ZNF143: variants seen among roughly 807,000 people sequenced by gnomAD.
The protein encoded by ZNF143 is SPH-binding factor.
A neutral mutation model predicts 74.1 loss-of-function variants in ZNF143; 49 were observed. That is an observed-to-expected ratio of 0.66 (90% CI 0.53 to 0.84). The LOEUF is 0.84. Ranked by LOEUF, ZNF143 falls within the 40% of genes least tolerant of loss-of-function variation. The probability of loss-of-function intolerance (pLI) is 0.00; values close to 1 mark genes in which losing one functional copy is unlikely to be tolerated. For synonymous variants in ZNF143, 304 were observed against 282.8 expected, an observed-to-expected ratio of 1.07 and a Z score of -0.75; for missense variants, 637 against 793.4, an observed-to-expected ratio of 0.80 and a Z score of 2.37.
chr11:9,491,343 A>G (rs543928610), intron 7 of ZNF143, among the ~76,000 whole-genome samples: 4 of 151,826 alleles, frequency 2.6e-5, no homozygotes, highest in African/African-American at 9.7e-5. Context: ...TTTGTTTATT[A>G]AGACAGGTGT....
In ZNF143 at chr11:9,527,666, C is replaced by G; in HGVS notation, c.*53C>G. The G allele has an allele frequency of 6.4e-7, 1 of 1,553,914 alleles. No homozygotes were observed. The highest frequency in any genetic ancestry group is 8.9e-7 in the Non-Finnish European group (1 of 1,127,394). ...GAAGGAGTCTTTCATCTTCTGGCAG[C>G]AGAAATCCATGAAGCCCGGGCCCAG... On this transcript the variant is annotated 3_prime_UTR_variant, in exon 16 of 16. Transcript: ENST00000396602.
intron 5 of ZNF143, among the ~76,000 whole-genome samples, chr11:9,476,984 G>T (rs1378080208): frequency 6.7e-6 from 1 of 149,308 alleles, no homozygotes; most frequent in Non-Finnish European, 1.5e-5. Flanking sequence ...GGATGGTCTC[G>T]GTCTCCTGAC....
rs1565039273 is a variant in ZNF143 at position 9,486,422 on chromosome 11, AT to A, written c.645+6877del. Among the ~76,000 whole-genome samples the A allele has an allele frequency of 5.4e-3, 197 of 36,382 alleles. 8 individuals carry two copies. The highest frequency in any genetic ancestry group is 0.047 in the East Asian group (82 of 1,732). The allele number at this position is 36,382 out of a possible 152,430, so 23.9% of individuals were successfully genotyped here. On this transcript the variant is annotated intron_variant, in intron 7 of 15. Transcript: ENST00000396602. ...ATATATTATATATATAATATATATT[AT>A]ATATATTATATATATAATATATTAT...
chr11:9,498,679 AAG>A (rs1272454647), intron 10 of ZNF143, among the ~76,000 whole-genome samples: 7 of 152,238 alleles, frequency 4.6e-5, no homozygotes. Flanking sequence ...AGCTAAAAAA[AAG>A]TTCAGCAGCT....
intron 3 of ZNF143, chr11:9,473,699 C>G (rs1348931276): frequency 1.6e-6 from 2 of 1,276,482 alleles, no homozygotes; most frequent in African/African-American, 3.0e-5. Flanking sequence ...TGATGAGCCA[C>G]TCTTCCTCTT....
intron 11 of ZNF143, among the ~76,000 whole-genome samples, chr11:9,503,664 G>A (rs1473376411): frequency 6.8e-6 from 1 of 146,340 alleles, no homozygotes; most frequent in African/African-American, 2.5e-5. Context: ...TTTTTGAGAC[G>A]GAGTCACGCT....
intron 1 of ZNF143, among the ~76,000 whole-genome samples, chr11:9,462,623 C>T (rs1855935109): frequency 6.6e-6 from 1 of 152,000 alleles, no homozygotes; most frequent in Admixed American, 6.6e-5. Flanking sequence ...CCTGTAATCT[C>T]AGCACTTTGG....
chr11:9,485,205 A>G (rs560485575), intron 7 of ZNF143, among the ~76,000 whole-genome samples: 2 of 151,444 alleles, frequency 1.3e-5, no homozygotes, highest in East Asian at 3.8e-4. Context: ...TCTATTTTAC[A>G]TATTTTTAAA....
In ZNF143 at chr11:9,465,593, A is replaced by G. The variant is rs748190982; in HGVS notation, c.-8+4517A>G. ...CGGCTCTCTGCAAGCTCTGCCTCCC[A>G]GGTTCACACCATTCTCCTGCCTCAG... On this transcript the variant is annotated intron_variant, in intron 1 of 15. Coordinates refer to ENST00000396602, the MANE Select transcript of ZNF143 (RefSeq NM_003442.6). 4.7e-5 allele frequency among the ~76,000 whole-genome samples: 7 copies of G among 147,886 alleles called. No individual in the cohort carries two copies. In the South Asian group the frequency reaches 1.3e-3, roughly 27 times the overall value.
In ZNF143 at chr11:9,527,744, G is replaced by C. The variant is rs1314142460; in HGVS notation, c.*131G>C. On this transcript the variant is annotated 3_prime_UTR_variant, in exon 16 of 16. Coordinates refer to ENST00000396602, the MANE Select transcript of ZNF143 (RefSeq NM_003442.6). ...ACACTGTACACATTTTTATGCGAGA[G>C]TGGAGAACATTTTATTCTTGACACT... The C allele has an allele frequency of 2.7e-6, 2 of 736,974 alleles. No homozygotes were observed. The highest frequency in any genetic ancestry group is 4.5e-6 in the Non-Finnish European group (2 of 445,120). The allele number at this position is 736,974 out of a possible 1,614,324, so 45.7% of individuals were successfully genotyped here.
chr11:9,525,319 T>C lies in ZNF143; in HGVS notation c.1766T>C (p.Leu589Ser). The change falls in exon 15 of 16, where the codon TTA becomes TCA. Residue 589 changes from leucine to serine, a missense_variant. Around this residue, in one of 2 missense-constraint regions of ZNF143, gnomAD observed 344 missense variants for 485.6 expected, o/e 0.71. Transcript: ENST00000396602. ...EMGHQQHSHH[L>S]VTTETRPLTL... ...GGGCACCAGCAGCATAGCCATCACTTAGTAACCACAGAAACCAGACCTCTG... is the reference window on the plus strand; with the variant it reads ...GGGCACCAGCAGCATAGCCATCACTCAGTAACCACAGAAACCAGACCTCTG... The C allele has an allele frequency of 6.2e-7, 1 of 1,614,198 alleles. No individual in the cohort carries two copies. Among genetic ancestry groups the C allele is most frequent in the Non-Finnish European group, 8.5e-7 (1 of 1,180,038 alleles).
chr11:9,503,033 G>C (rs1248848574), intron 11 of ZNF143, among the ~76,000 whole-genome samples: 4 of 152,090 alleles, frequency 2.6e-5, no homozygotes, highest in African/African-American at 4.8e-5. Context: ...GGGTTTCACT[G>C]TGTTAGCCAG....
chr11:9,509,906 C>T (rs1045450988), intron 12 of ZNF143, among the ~76,000 whole-genome samples: 1 of 152,152 alleles, frequency 6.6e-6, no homozygotes, highest in Non-Finnish European at 1.5e-5. Flanking sequence ...ATCTGCACAG[C>T]ATGTGACTAC....
At position 9,477,328 on chromosome 11, in the gene ZNF143, C is replaced by A. The variant is rs186368683; in HGVS notation, c.374-1062C>A. The stretch of plus-strand genomic sequence containing the variant: ...GGAGTGCAGTGGTGCAATCTCGGCT[C>A]ACTGCAACCTCCACATCCTGGGTTC... On this transcript the variant is annotated intron_variant, in intron 5 of 15. Coordinates refer to ENST00000396602, the MANE Select transcript of ZNF143 (RefSeq NM_003442.6). 3.7e-3 allele frequency among the ~76,000 whole-genome samples: 553 copies of A among 151,166 alleles called. 4 individuals carry two copies. Among genetic ancestry groups the A allele is most frequent in the African/African-American group, 0.013 (529 of 41,122 alleles).
At chr11:9,473,865 T>C in intron 3 of ZNF143, 76 bp from the exon 4 acceptor site, 1 of 1,612,532 alleles carries the variant, frequency 6.2e-7, no homozygotes, top group Admixed American at 1.7e-5. Context: ...TTTTTATAGT[T>C]GATATCATTT....
At chr11:9,521,022 A>G (rs1356002350) in intron 14 of ZNF143, among the ~76,000 whole-genome samples, 1 of 152,190 alleles carries the variant, frequency 6.6e-6, no homozygotes, top group Non-Finnish European at 1.5e-5. Context: ...GGTCACCACA[A>G]AATTGAGAGG....
chr11:9,475,026 A>G (rs1298223199), intron 5 of ZNF143, among the ~76,000 whole-genome samples: 1 of 152,134 alleles, frequency 6.6e-6, no homozygotes, highest in African/African-American at 2.4e-5. Flanking sequence ...AGCTGGGACT[A>G]CAGGTGCATG....
intron 2 of ZNF143, 82 bp from the exon 3 acceptor site, chr11:9,472,595 T>TC: frequency 1.6e-6 from 2 of 1,247,092 alleles, no homozygotes; most frequent in South Asian, 2.5e-5. Context: ...TTACCTTTTT[T>TC]CTGATCTTTA....
chr11:9,495,511 C>T (rs527516268), intron 8 of ZNF143, among the ~76,000 whole-genome samples: 48 of 152,300 alleles, frequency 3.2e-4, no homozygotes, highest in Non-Finnish European at 5.9e-4. Flanking sequence ...ACAGAACATA[C>T]CATGACTCAA....
Sources: allele counts gnomAD v4.1 joint callset (sites outside exome capture counted in the v4.1 genomes callset), GRCh38; gene constraint gnomAD v4.1.1; regional missense constraint gnomAD v4.1.1; transcripts MANE v1.5; gene names NCBI Gene and HGNC (gene_info 2026-07-23, HGNC 2026-07-21).